MAP3K7: variants seen among roughly 807,000 people sequenced by gnomAD.
MAP3K7 encodes the protein mitogen-activated protein kinase kinase kinase 7.
In MAP3K7, 21 loss-of-function variants were observed where a neutral mutation model predicts 84.8. The observed-to-expected ratio is 0.25, with a 90% CI of 0.18 to 0.36. The LOEUF (loss-of-function observed/expected upper bound fraction) is 0.36. Ranked by LOEUF, MAP3K7 falls within the 10% of genes least tolerant of loss-of-function variation. The pLI is 1.00. For synonymous variants in MAP3K7, 241 were observed against 247.7 expected (o/e 0.97, Z 0.25); for missense variants, 503 against 747.7 (o/e 0.67, Z 3.82).
At position 90,552,142 on chromosome 6, in the gene MAP3K7, G is replaced by A; in HGVS notation, c.774C>T (p.Pro258=). 1 of 1,611,720 alleles carries A rather than the reference G, an allele frequency of 6.2e-7. No homozygotes were observed. The highest frequency in any genetic ancestry group is 1.1e-5 in the South Asian group (1 of 90,888). Residue 258 remains proline (P), a synonymous_variant, in exon 8 of 17, where the codon CCC becomes CCT. Transcript: ENST00000369329. ...RPPLIKNLPK[P]IESLMTRCWS... The stretch of plus-strand genomic sequence containing the variant: ...AACAACGAGTCATCAGGCTCTCAAT[G>A]GGCTTAGGTAAATTTTTTATCAGTG...
intron 13 of MAP3K7, among the ~76,000 whole-genome samples, chr6:90,534,947 T>G (rs1363079305): frequency 6.6e-6 from 1 of 152,062 alleles, no homozygotes; most frequent in African/African-American, 2.4e-5. Flanking sequence ...GATTAAAACT[T>G]TTAAGTATCT....
chr6:90,551,948 T>TAA, intron 8 of MAP3K7, 101 bp downstream of exon 8: 1 of 1,299,148 alleles, frequency 7.7e-7, no homozygotes, highest in Admixed American at 2.1e-5. Flanking sequence ...TAGCAATATA[T>TAA]AAAGCAGAAT....
chr6:90,526,960 TAAAATA>T (rs1218059186), intron 13 of MAP3K7, among the ~76,000 whole-genome samples: 5 of 151,778 alleles, frequency 3.3e-5, no homozygotes, highest in Admixed American at 2.6e-4. Context: ...TCCAAAAAAA[TAAAATA>T]AAAATAAAAA....
At chr6:90,528,836 C>A (rs2127960173) in intron 13 of MAP3K7, among the ~76,000 whole-genome samples, 1 of 152,280 alleles carries the variant, frequency 6.6e-6, no homozygotes, top group East Asian at 1.9e-4. Context: ...TGAAGAAAAA[C>A]TGATGAAATA....
chr6:90,568,985 T>C (rs1347217750), intron 2 of MAP3K7, among the ~76,000 whole-genome samples: 1 of 152,194 alleles, frequency 6.6e-6, no homozygotes, highest in Admixed American at 6.5e-5. Context: ...GAGATGGTAC[T>C]GAGCTGCATT....
chr6:90,522,878 T>C (rs1292480947), intron 14 of MAP3K7, among the ~76,000 whole-genome samples: 1 of 152,192 alleles, frequency 6.6e-6, no homozygotes, highest in Admixed American at 6.5e-5. Flanking sequence ...ATATAAAATA[T>C]CAAATGCTTT....
chr6:90,518,085 A>G (rs1157950467), intron 16 of MAP3K7, among the ~76,000 whole-genome samples: 1 of 151,812 alleles, frequency 6.6e-6, no homozygotes, highest in Non-Finnish European at 1.5e-5. Flanking sequence ...CTAAACATAC[A>G]CCTGGAAAAA....
At chr6:90,585,498 T>G (rs1777415353) in intron 1 of MAP3K7, among the ~76,000 whole-genome samples, 1 of 152,236 alleles carries the variant, frequency 6.6e-6, no homozygotes, top group Admixed American at 6.5e-5. Context: ...TCATGGACTA[T>G]ATAACGCAAA....
intron 1 of MAP3K7, among the ~76,000 whole-genome samples, chr6:90,577,175 A>T (rs553912482): frequency 9.1e-4 from 139 of 152,332 alleles, no homozygotes; most frequent in Non-Finnish European, 1.6e-3. Flanking sequence ...AAGTAGAGTC[A>T]ATAGGGTTTG....
chr6:90,544,337 C>T (rs865933775), intron 12 of MAP3K7, among the ~76,000 whole-genome samples: 9 of 152,102 alleles, frequency 5.9e-5, no homozygotes, highest in South Asian at 2.1e-4. Flanking sequence ...GGTTTACTTT[C>T]TCTTCTATTT....
Position 90,554,530 on chromosome 6 carries a change from T to G in MAP3K7, c.608-944A>C, listed in dbSNP as rs139667833. On this transcript the variant is annotated intron_variant, in intron 6 of 16. Coordinates refer to ENST00000369329, the MANE Select transcript of MAP3K7 (RefSeq NM_145331.3). ...CAATTATTATAGCTATAGCTTTACA[T>G]GCTAAGCAGTACACTGTAATATAGC... Among the ~76,000 whole-genome samples the G allele has an allele frequency of 3.7e-3, 556 of 152,298 alleles. 1 individual carries two copies. Among genetic ancestry groups the G allele is most frequent in the Non-Finnish European group, 6.3e-3 (426 of 68,020 alleles).
intron 2 of MAP3K7, among the ~76,000 whole-genome samples, chr6:90,569,029 A>G (rs985622250): frequency 8.5e-5 from 13 of 152,198 alleles, no homozygotes; most frequent in Admixed American, 3.3e-4. Context: ...CATTGTTATC[A>G]TCTTCATAGC....
intron 14 of MAP3K7, among the ~76,000 whole-genome samples, chr6:90,523,329 T>C (rs1228806114): frequency 6.6e-6 from 1 of 152,022 alleles, no homozygotes; most frequent in Non-Finnish European, 1.5e-5. Flanking sequence ...TTTTGGTTAC[T>C]GAAAAAATGA....
intron 3 of MAP3K7, among the ~76,000 whole-genome samples, chr6:90,562,903 T>C (rs1350530159): frequency 6.6e-6 from 1 of 152,132 alleles, no homozygotes; most frequent in African/African-American, 2.4e-5. Flanking sequence ...AGCAGCAACA[T>C]TTGCTGTTCT....
Position 90,553,521 on chromosome 6 carries a change from G to A in MAP3K7, c.673C>T (p.Arg225Cys), listed in dbSNP as rs1157398284. ...WGIILWEVIT[R>C]RKPFDEIGGP... ...CCAATCTCATCAAAGGGTTTCCGAC[G>A]CGTTATCACTTCCCAAAGAATAATA... Residue 225 changes from arginine to cysteine, a missense_variant, in exon 7 of 17, where the codon CGT (arginine) becomes TGT (cysteine). Arg to Cys is a radical substitution (Grantham distance 180, BLOSUM62 -3). Around this residue, in one of 5 missense-constraint regions of MAP3K7, gnomAD observed 97 missense variants for 270.8 expected, o/e 0.36. Transcript: ENST00000369329. 5 of 1,613,644 alleles carry A rather than the reference G, an allele frequency of 3.1e-6. No individual in the cohort carries two copies. The highest frequency in any genetic ancestry group is 3.4e-6 in the Non-Finnish European group (4 of 1,179,824).
Position 90,548,158 on chromosome 6 carries a change from A to C in MAP3K7, c.969T>G (p.Ala323=). Residue 323 remains alanine, a synonymous_variant, in exon 10 of 17, where the codon GCT becomes GCG. Coordinates refer to ENST00000369329, the MANE Select transcript of MAP3K7 (RefSeq NM_145331.3). ...ATSTGSFMDI[A]STNTSNKSDT... The stretch of plus-strand genomic sequence containing the variant: ...CACTTTTGTTACTCGTATTTGTAGA[A>C]GCAATGTCCATGAATGAGCCTAGGA... 6.2e-7 allele frequency: 1 copy of C among 1,611,310 alleles called. No individual in the cohort carries two copies. Among genetic ancestry groups the C allele is most frequent in the Non-Finnish European group, 8.5e-7 (1 of 1,178,734 alleles).
At chr6:90,536,775 C>T in intron 12 of MAP3K7, 1 of 178,246 alleles carries the variant, frequency 5.6e-6, no homozygotes, top group Non-Finnish European at 1.2e-5. Context: ...CCTTACGTTA[C>T]AGTTTTTACA....
At chr6:90,585,007 C>T (rs895949298) in intron 1 of MAP3K7, among the ~76,000 whole-genome samples, 1 of 152,130 alleles carries the variant, frequency 6.6e-6, no homozygotes, top group African/African-American at 2.4e-5. Flanking sequence ...AGCCATATGA[C>T]CTTAAAGCAG....
intron 1 of MAP3K7, among the ~76,000 whole-genome samples, chr6:90,580,546 C>T (rs1193105807): frequency 1.3e-5 from 2 of 152,158 alleles, no homozygotes; most frequent in African/African-American, 2.4e-5. Flanking sequence ...GTCTCAAACT[C>T]CTGGCCTCAT....
Sources: gnomAD v4.1 joint callset for allele counts (sites outside exome capture counted in the v4.1 genomes callset) on GRCh38, gnomAD v4.1.1 for gene constraint, gnomAD v4.1.1 regional missense constraint, MANE v1.5 for transcripts, NCBI Gene and HGNC (gene_info 2026-07-23, HGNC 2026-07-21) for gene names.